Variants in DGLUCY observed in about 807,000 individuals in gnomAD.
DGLUCY encodes D-glutamate cyclase, mitochondrial.
In DGLUCY, 58 loss-of-function variants were observed where a neutral mutation model predicts 58.5. The ratio of observed to expected loss-of-function variants is 0.99; its 90% CI spans 0.80 to 1.23. The LOEUF (loss-of-function observed/expected upper bound fraction) is 1.23, where lower values mean the gene tolerates loss of function less well. Ranked by LOEUF, DGLUCY falls within the 50% of genes most tolerant of loss-of-function variation. The pLI is 0.00. For synonymous variants in DGLUCY, 325 were observed against 314.1 expected (o/e 1.03, Z -0.37); for missense variants, 779 against 784.7 (o/e 0.99, Z 0.09).
intron 1 of DGLUCY, among the ~76,000 whole-genome samples, chr14:91,153,478 C>T (rs1034843772): frequency 5.9e-5 from 9 of 152,146 alleles, no homozygotes; most frequent in Non-Finnish European, 8.8e-5. Flanking sequence ...GCACCGCACC[C>T]GGCTGACAGT....
At chr14:91,081,567 T>G (rs1410840187) in intron 1 of DGLUCY, among the ~76,000 whole-genome samples, 6 of 152,260 alleles carry the variant, frequency 3.9e-5, no homozygotes, top group African/African-American at 1.4e-4. Context: ...TCTTATGGGC[T>G]AAGATCGAGG....
intron 13 of DGLUCY, among the ~76,000 whole-genome samples, chr14:91,218,373 G>A (rs531212087): frequency 1.3e-5 from 2 of 150,972 alleles, no homozygotes; most frequent in Admixed American, 1.3e-4. Flanking sequence ...AATTAATAAT[G>A]TACCACCCTT....
At chr14:91,196,096 T>C (rs2050188921) in intron 9 of DGLUCY, among the ~76,000 whole-genome samples, 1 of 152,230 alleles carries the variant, frequency 6.6e-6, no homozygotes, top group South Asian at 2.1e-4. Context: ...CAGGCCGCTG[T>C]TCCCATGGTA....
At chr14:91,160,935 A>G (rs559873534) in intron 3 of DGLUCY, among the ~76,000 whole-genome samples, 34 of 152,234 alleles carry the variant, frequency 2.2e-4, no homozygotes, top group Non-Finnish European at 3.7e-4. Flanking sequence ...GTTATGGTAT[A>G]AGTGCCCAAG....
chr14:91,218,634 T>C (rs1595954840), intron 13 of DGLUCY, among the ~76,000 whole-genome samples: 2 of 151,806 alleles, frequency 1.3e-5, no homozygotes, highest in African/African-American at 4.8e-5. Flanking sequence ...AACTCCTGAC[T>C]TCAAGTGATC....
At chr14:91,160,913 A>G (rs2047943499) in intron 3 of DGLUCY, among the ~76,000 whole-genome samples, 1 of 152,210 alleles carries the variant, frequency 6.6e-6, no homozygotes, top group South Asian at 2.1e-4. Flanking sequence ...CACATTAAAA[A>G]AGACTCGTCT....
intron 1 of DGLUCY, among the ~76,000 whole-genome samples, chr14:91,102,871 C>T (rs1482203813): frequency 1.3e-5 from 2 of 151,718 alleles, no homozygotes; most frequent in Non-Finnish European, 2.9e-5. Flanking sequence ...AAGCAATTCT[C>T]CTGCCTCAGC....
chr14:91,173,273 T>TC lies in DGLUCY; in HGVS notation c.457-16_457-15insC. 3.1e-6 allele frequency: 5 copies of TC among 1,611,246 alleles called. No individual in the cohort carries two copies. Among genetic ancestry groups the TC allele is most frequent in the Non-Finnish European group, 4.2e-6 (5 of 1,179,150 alleles). ...TTTTTAACATTTTCACTTGATTTTT[T>TC]TTTTTTTTTGGTCAGACAACAGTGC... On this transcript the variant is annotated splice_polypyrimidine_tract_variant and intron_variant, in intron 5 of 13. Transcript: ENST00000256324.
intron 1 of DGLUCY, among the ~76,000 whole-genome samples, chr14:91,123,787 A>G (rs1027983244): frequency 1.3e-5 from 2 of 152,094 alleles, no homozygotes; most frequent in Non-Finnish European, 2.9e-5. Flanking sequence ...CCATGTTGCT[A>G]GGCTAGTCTT....
At chr14:91,140,635 C>T (rs1383232591) in intron 1 of DGLUCY, among the ~76,000 whole-genome samples, 1 of 152,188 alleles carries the variant, frequency 6.6e-6, no homozygotes, top group African/African-American at 2.4e-5. Context: ...CACGCCATTG[C>T]ACTCCAGCAT....
intron 1 of DGLUCY, among the ~76,000 whole-genome samples, chr14:91,078,372 T>C (rs1300450768): frequency 6.6e-6 from 1 of 152,242 alleles, no homozygotes; most frequent in Non-Finnish European, 1.5e-5. Flanking sequence ...AACCTTGGCC[T>C]ACATTTACTT....
rs758301013 is a variant in DGLUCY at position 91,176,033 on chromosome 14, G to T, written c.707G>T (p.Ser236Ile). ...VPVFWPSPLT[S>I]LGAVSSCETP... ...GTGTTCTGGCCTTCTCCGCTGACCA[G>T]TCTCGGAGCTGTCAGCAGCTGTGGT... Residue 236 changes from serine to isoleucine, a missense_variant, in exon 7 of 14, where the codon AGT becomes ATT. By Grantham distance (142) the Ser-to-Ile change is moderately radical. Coordinates refer to ENST00000256324, the MANE Select transcript of DGLUCY (RefSeq NM_001102368.3). 3.7e-6 allele frequency: 6 copies of T among 1,614,046 alleles called. No individual in the cohort carries two copies. Among genetic ancestry groups the T allele is most frequent in the Non-Finnish European group, 5.1e-6 (6 of 1,179,906 alleles).
At chr14:91,080,357 G>A (rs115463877) in intron 1 of DGLUCY, among the ~76,000 whole-genome samples, 39 of 152,160 alleles carry the variant, frequency 2.6e-4, no homozygotes, top group African/African-American at 6.7e-4. Flanking sequence ...AACTTTTTGC[G>A]GAAACTGACA....
At chr14:91,176,203 ATC>A (rs2048843804) in intron 7 of DGLUCY, 147 bp downstream of exon 7, 6 of 989,022 alleles carry the variant, frequency 6.1e-6, no homozygotes, top group South Asian at 4.4e-5. Context: ...GCTACAGTGA[ATC>A]TCTCTCTGGT....
intron 1 of DGLUCY, among the ~76,000 whole-genome samples, chr14:91,083,700 G>A (rs1197371196): frequency 6.6e-6 from 1 of 152,052 alleles, no homozygotes; most frequent in East Asian, 1.9e-4. Flanking sequence ...GAACAGAGAT[G>A]CCAGCAATGT....
At position 91,175,954 on chromosome 14, in the gene DGLUCY, C is replaced by G. The variant is rs761052329; in HGVS notation, c.628C>G (p.Leu210Val). Residue 210 changes from leucine to valine, a missense_variant, in exon 7 of 14, where the codon CTT becomes GTT. By Grantham distance (32) the Leu-to-Val change is conservative (BLOSUM62 1). Coordinates refer to ENST00000256324, the MANE Select transcript of DGLUCY (RefSeq NM_001102368.3). ...GDPELLGIKE[L>V]SKPAYGDAMV... ...TGCAGAACTGTTGGGAATCAAAGAGCTTTCCAAACCTGCCTACGGGGATGC... is the reference window on the plus strand; with the variant it reads ...TGCAGAACTGTTGGGAATCAAAGAGGTTTCCAAACCTGCCTACGGGGATGC... The G allele has an allele frequency of 1.2e-5, 20 of 1,613,874 alleles. No homozygotes were observed. The highest frequency in any genetic ancestry group is 1.7e-5 in the Non-Finnish European group (20 of 1,179,910).
chr14:91,215,583 C>T (rs1886393385), intron 13 of DGLUCY, 27 bp downstream of exon 13: 3 of 1,613,226 alleles, frequency 1.9e-6, no homozygotes, highest in Admixed American at 3.3e-5. Context: ...AGCCGCTCGC[C>T]TGGAAGCAGC....
In DGLUCY at chr14:91,224,039, CA is replaced by C. The variant is rs555174152; in HGVS notation, c.1717-644del. 2.1e-3 allele frequency among the ~76,000 whole-genome samples: 325 copies of C among 152,332 alleles called. 1 individual carries two copies. The highest frequency in any genetic ancestry group is 7.1e-3 in the African/African-American group (295 of 41,586). ...ACCTAGATGCTCCCACTCCCACAGT[CA>C]CCCTGGTCATTTCTAGAAGGCAACA... On this transcript the variant is annotated intron_variant, in intron 13 of 13. Transcript: ENST00000256324.
At chr14:91,104,821 A>G (rs759787073), upstream of DGLUCY, among the ~76,000 whole-genome samples, 3 of 152,126 alleles carry the variant, frequency 2.0e-5, no homozygotes, top group Non-Finnish European at 4.4e-5. Flanking sequence ...CCCAGCTCTC[A>G]GCTTCCCTGC....
Sources: gnomAD v4.1 joint callset for allele counts (sites outside exome capture counted in the v4.1 genomes callset) on GRCh38, gnomAD v4.1.1 for gene constraint, MANE v1.5 for transcripts, NCBI Gene and HGNC (gene_info 2026-07-23, HGNC 2026-07-21) for gene names.